The following PTPN4 variants were observed in gnomAD, a reference collection of about 807,000 sequenced individuals.
The protein encoded by PTPN4 is tyrosine-protein phosphatase non-receptor type 4.
Under a neutral mutation model 135.5 loss-of-function variants are expected in PTPN4, and 49 were observed. That is an observed-to-expected ratio of 0.36 (90% CI 0.29 to 0.46). PTPN4 has a LOEUF of 0.46. Among genes scored for constraint, PTPN4 ranks in the 20% least tolerant of loss-of-function variants. The probability of loss-of-function intolerance (pLI) is 1.00; values close to 1 mark genes in which losing one functional copy is unlikely to be tolerated. For missense variants in PTPN4, 860 were observed against 1,101.0 expected, an observed-to-expected ratio of 0.78 and a Z score of 3.10; for synonymous variants, 333 against 369.9, an observed-to-expected ratio of 0.90 and a Z score of 1.14.
At chr2:119,971,986 A>G (rs888021707) in intron 26 of PTPN4, among the ~76,000 whole-genome samples, 4 of 152,352 alleles carry the variant, frequency 2.6e-5, no homozygotes, top group Non-Finnish European at 5.9e-5. Flanking sequence ...TTCCAATTCT[A>G]TTCCATTGAT....
chr2:119,780,671 C>T (rs886622241), intron 1 of PTPN4, among the ~76,000 whole-genome samples: 4 of 152,158 alleles, frequency 2.6e-5, no homozygotes, highest in African/African-American at 9.7e-5. Context: ...GTTATGTTCT[C>T]AGTATATGAC....
chr2:119,817,597 G>A (rs1038530876), intron 2 of PTPN4, among the ~76,000 whole-genome samples: 8 of 152,092 alleles, frequency 5.3e-5, no homozygotes, highest in African/African-American at 1.9e-4. Context: ...GTCAGGTAGT[G>A]TGATCCCTCC....
intron 15 of PTPN4, among the ~76,000 whole-genome samples, chr2:119,938,474 T>A (rs533157201): frequency 2.0e-5 from 3 of 152,272 alleles, no homozygotes; most frequent in South Asian, 2.1e-4. Context: ...AGTATGTGTT[T>A]TGAGCCCTGG....
intron 2 of PTPN4, among the ~76,000 whole-genome samples, chr2:119,833,947 G>C (rs1046777926): frequency 1.3e-5 from 2 of 152,142 alleles, no homozygotes; most frequent in Non-Finnish European, 2.9e-5. Context: ...TTAGGCCCAA[G>C]GCCTGCACAT....
chr2:119,894,800 T>C (rs1329421817), intron 9 of PTPN4, among the ~76,000 whole-genome samples: 1 of 152,154 alleles, frequency 6.6e-6, no homozygotes, highest in African/African-American at 2.4e-5. Flanking sequence ...AGGAGAAATA[T>C]AGGTGATCAA....
At chr2:119,789,062 C>T (rs1002248187) in intron 1 of PTPN4, among the ~76,000 whole-genome samples, 3 of 151,876 alleles carry the variant, frequency 2.0e-5, no homozygotes, top group Non-Finnish European at 4.4e-5. Flanking sequence ...TCTCCTTATC[C>T]TTGCCAACAC....
chr2:119,889,474 G>A (rs114200661), intron 9 of PTPN4, among the ~76,000 whole-genome samples: 3,162 of 152,246 alleles, frequency 0.021, 60 homozygotes, highest in Non-Finnish European at 0.033. Context: ...ATCAGTTGCA[G>A]TGTCTCCTTT....
intron 19 of PTPN4, among the ~76,000 whole-genome samples, chr2:119,954,181 AT>A (rs1248145467): frequency 6.6e-6 from 1 of 152,098 alleles, no homozygotes; most frequent in East Asian, 1.9e-4. Flanking sequence ...TCAGAAATTT[AT>A]TTTTCTAAAA....
chr2:119,821,078 T>C (rs924853780), intron 2 of PTPN4, among the ~76,000 whole-genome samples: 2 of 151,082 alleles, frequency 1.3e-5, no homozygotes, highest in Non-Finnish European at 2.9e-5. Context: ...ATTTACCTTT[T>C]GAATTCTATC....
chr2:119,791,931 A>G (rs1574336017), intron 1 of PTPN4, among the ~76,000 whole-genome samples: 1 of 151,914 alleles, frequency 6.6e-6, no homozygotes, highest in African/African-American at 2.4e-5. Flanking sequence ...CTGTATTGGT[A>G]TGCTTGTTAG....
chr2:119,980,661 G>A lies in PTPN4; in HGVS notation c.*3591G>A, dbSNP rs1679678943. ...CAGTAGAGAAGCATACTCAGCCAATGTTTTCACTTAATAACTATGACAACC... is the reference window on the plus strand; with the variant it reads ...CAGTAGAGAAGCATACTCAGCCAATATTTTCACTTAATAACTATGACAACC... On this transcript the variant is annotated 3_prime_UTR_variant, in exon 27 of 27. Coordinates refer to ENST00000263708, the MANE Select transcript of PTPN4 (RefSeq NM_002830.4). 6.6e-6 allele frequency: 1 copy of A among 151,950 alleles called. No homozygotes were observed. Among genetic ancestry groups the A allele is most frequent in the Non-Finnish European group, 1.5e-5 (1 of 67,930 alleles). 9.4% of individuals were successfully genotyped at this position (151,950 alleles called of 1,614,324 possible).
chr2:119,789,099 T>G (rs1305509046), intron 1 of PTPN4, among the ~76,000 whole-genome samples: 1 of 152,066 alleles, frequency 6.6e-6, no homozygotes, highest in Non-Finnish European at 1.5e-5. Flanking sequence ...TTCTTTTTTT[T>G]TTTTTAAAGT....
At position 119,766,438 on chromosome 2, in the gene PTPN4, G is replaced by GCA. The variant is rs1263719240; in HGVS notation, c.-18+6055_-18+6056dup. ...CCTCCCCCATTTCACTGGTGTATGC[G>GCA]CATGTGCGCGCGTGTGTGTGTGTGT... On this transcript the variant is annotated intron_variant, in intron 1 of 26. Transcript: ENST00000263708. 1.1e-4 allele frequency among the ~76,000 whole-genome samples: 12 copies of GCA among 107,052 alleles called. 1 individual carries two copies. The highest frequency in any genetic ancestry group is 1.9e-4 in the Non-Finnish European group (10 of 52,846). The allele number at this position is 107,052 out of a possible 152,430, so 70.2% of individuals were successfully genotyped here.
intron 11 of PTPN4, chr2:119,915,829 T>C (rs1046124194): frequency 6.6e-6 from 1 of 152,178 alleles, no homozygotes; most frequent in Non-Finnish European, 1.5e-5. Flanking sequence ...CTGAGAAGTC[T>C]TGGCAAATTC....
At chr2:119,939,963 G>T (rs147339102) in intron 15 of PTPN4, among the ~76,000 whole-genome samples, 2 of 152,172 alleles carry the variant, frequency 1.3e-5, no homozygotes, top group Non-Finnish European at 2.9e-5. Flanking sequence ...TGTATTCATG[G>T]CTTCAAGACT....
At chr2:119,918,864 T>C (rs1408861702) in intron 11 of PTPN4, among the ~76,000 whole-genome samples, 1 of 152,250 alleles carries the variant, frequency 6.6e-6, no homozygotes, top group African/African-American at 2.4e-5. Context: ...ATAAGTTAAC[T>C]GTTAAATTCA....
chr2:119,922,883 A>T (rs1678759348), intron 12 of PTPN4, among the ~76,000 whole-genome samples: 1 of 152,220 alleles, frequency 6.6e-6, no homozygotes, highest in South Asian at 2.1e-4. Flanking sequence ...CCTGAGCAAG[A>T]TATGGTAGTT....
At chr2:119,892,004 G>A (rs539352689) in intron 9 of PTPN4, among the ~76,000 whole-genome samples, 98 of 152,332 alleles carry the variant, frequency 6.4e-4, no homozygotes, top group African/African-American at 2.2e-3. Context: ...CTGGCTGCAT[G>A]CAGTAATATG....
intron 1 of PTPN4, among the ~76,000 whole-genome samples, chr2:119,761,925 GC>G (rs1264596098): frequency 6.6e-6 from 1 of 152,088 alleles, no homozygotes; most frequent in Non-Finnish European, 1.5e-5. Context: ...TTTTCTTACT[GC>G]CCATTTTCTA....
Sources: allele counts gnomAD v4.1 joint callset (sites outside exome capture counted in the v4.1 genomes callset), GRCh38; gene constraint gnomAD v4.1.1; transcripts MANE v1.5; gene names NCBI Gene and HGNC (gene_info 2026-07-23, HGNC 2026-07-21).